The following RNF13 variants were observed in gnomAD, a reference collection of about 807,000 sequenced individuals.
RNF13 encodes E3 ubiquitin-protein ligase RNF13.
Under a neutral mutation model 37.7 loss-of-function variants are expected in RNF13, and 19 were observed. That is an observed-to-expected ratio of 0.50 (90% CI 0.35 to 0.74). The LOEUF is 0.74. RNF13 is among the 30% of genes least tolerant of loss of function. The pLI is 0.01. For missense variants in RNF13, 375 were observed against 453.0 expected (o/e 0.83, Z 1.56); for synonymous variants, 144 against 157.8 (o/e 0.91, Z 0.65).
chr3:149,820,243 C>T (rs1181553612), intron 1 of RNF13, among the ~76,000 whole-genome samples: 8 of 150,820 alleles, frequency 5.3e-5, no homozygotes, highest in African/African-American at 1.2e-4. Flanking sequence ...TTAAAGAGAC[C>T]GTCTTTTTCT....
intron 8 of RNF13, among the ~76,000 whole-genome samples, chr3:149,941,125 A>G (rs758945886): frequency 2.0e-5 from 3 of 152,086 alleles, no homozygotes; most frequent in Non-Finnish European, 4.4e-5. Context: ...TTTCCACTCT[A>G]CCCCTTGTCT....
intron 6 of RNF13, among the ~76,000 whole-genome samples, chr3:149,910,879 A>G (rs888616052): frequency 8.5e-5 from 13 of 152,202 alleles, no homozygotes; most frequent in African/African-American, 2.9e-4. Flanking sequence ...TCCTCATGTA[A>G]CACAAATGAT....
chr3:149,860,109 A>G (rs961781215), intron 3 of RNF13, among the ~76,000 whole-genome samples: 6 of 151,632 alleles, frequency 4.0e-5, no homozygotes, highest in Admixed American at 2.6e-4. Context: ...TCTACTAAAA[A>G]TACAAAATTA....
intron 1 of RNF13, 112 bp from the exon 2 acceptor site, chr3:149,845,899 A>G (rs1195214102): frequency 8.7e-6 from 5 of 577,066 alleles, no homozygotes; most frequent in Non-Finnish European, 1.2e-5. Flanking sequence ...TAATGTTAAT[A>G]CATGTTTATA....
intron 3 of RNF13, among the ~76,000 whole-genome samples, chr3:149,858,439 T>TG (rs1299219436): frequency 6.6e-6 from 1 of 152,196 alleles, no homozygotes; most frequent in Non-Finnish European, 1.5e-5. Flanking sequence ...GGAAGTGCCT[T>TG]GATAGGTGGA....
chr3:149,829,786 G>A (rs1720863984), intron 1 of RNF13, among the ~76,000 whole-genome samples: 1 of 152,214 alleles, frequency 6.6e-6, no homozygotes. Flanking sequence ...TGGTTTGGCT[G>A]TGTTCCCACC....
At chr3:149,862,406 C>T (rs1232409868) in intron 3 of RNF13, among the ~76,000 whole-genome samples, 2 of 151,970 alleles carry the variant, frequency 1.3e-5, no homozygotes, top group South Asian at 2.1e-4. Flanking sequence ...ATTCTGTTCC[C>T]TTACCTCGCT....
intron 1 of RNF13, among the ~76,000 whole-genome samples, chr3:149,815,942 G>T (rs1267101520): frequency 6.6e-6 from 1 of 151,814 alleles, no homozygotes; most frequent in East Asian, 1.9e-4. Flanking sequence ...TTGCTCTGTT[G>T]CCCAGGCTGG....
At chr3:149,827,997 G>A (rs1266157838) in intron 1 of RNF13, among the ~76,000 whole-genome samples, 2 of 150,410 alleles carry the variant, frequency 1.3e-5, no homozygotes, top group Non-Finnish European at 3.0e-5. Flanking sequence ...TGGGAATGCT[G>A]TAACTTGATC....
chr3:149,908,597 C>T (rs529288721), intron 6 of RNF13, among the ~76,000 whole-genome samples: 1 of 152,298 alleles, frequency 6.6e-6, no homozygotes, highest in South Asian at 2.1e-4. Flanking sequence ...TTTAATGAGG[C>T]AGCTGTGAGC....
chr3:149,955,024 C>T (rs1721725015), intron 8 of RNF13, among the ~76,000 whole-genome samples: 1 of 152,274 alleles, frequency 6.6e-6, no homozygotes, highest in African/African-American at 2.4e-5. Context: ...TCTCTGGGAG[C>T]TGTCTCCCTT....
At chr3:149,941,826 C>G (rs1720310349) in intron 8 of RNF13, among the ~76,000 whole-genome samples, 1 of 151,582 alleles carries the variant, frequency 6.6e-6, no homozygotes, top group Admixed American at 6.6e-5. Context: ...TTAGGCCTTA[C>G]ATTTAGGTCT....
intron 8 of RNF13, among the ~76,000 whole-genome samples, chr3:149,954,504 T>C (rs1721671745): frequency 6.6e-6 from 1 of 152,228 alleles, no homozygotes; most frequent in African/African-American, 2.4e-5. Flanking sequence ...TATTTCTGTT[T>C]TGGAAATATT....
At chr3:149,840,234 G>C (rs1457877887) in intron 1 of RNF13, among the ~76,000 whole-genome samples, 1 of 152,170 alleles carries the variant, frequency 6.6e-6, no homozygotes, top group Non-Finnish European at 1.5e-5. Context: ...ATGTCAAATG[G>C]TAGGCCAAAT....
At chr3:149,910,149 G>A (rs1490379370) in intron 6 of RNF13, among the ~76,000 whole-genome samples, 1 of 152,136 alleles carries the variant, frequency 6.6e-6, no homozygotes, top group African/African-American at 2.4e-5. Flanking sequence ...CTTAAAAGTG[G>A]TACCACTGGC....
At chr3:149,844,488 T>A (rs1003471067) in intron 1 of RNF13, among the ~76,000 whole-genome samples, 8 of 152,224 alleles carry the variant, frequency 5.3e-5, no homozygotes, top group African/African-American at 1.9e-4. Flanking sequence ...CTGTCTAGCA[T>A]GCACCAAAAT....
At position 149,961,010 on chromosome 3, in the gene RNF13, G is replaced by A. The variant is rs1254913851; in HGVS notation, c.1052G>A (p.Ser351Asn). The A allele has an allele frequency of 1.2e-6, 2 of 1,614,194 alleles. No homozygotes were observed. Among genetic ancestry groups the A allele is most frequent in the South Asian group, 2.2e-5 (2 of 91,080 alleles). The part of the protein sequence containing the change: ...YEEDDNEDTD[S>N]SDAENEINEH... Reference sequence around the variant, plus strand: ...GAAGACGACAATGAAGATACTGACAGTAGTGATGCAGAAAATGAAATTAAT... The same window carrying A: ...GAAGACGACAATGAAGATACTGACAATAGTGATGCAGAAAATGAAATTAAT... The change falls in exon 10 of 10, where the codon AGT becomes AAT. Residue 351 changes from serine (S) to asparagine (N), a missense_variant. By Grantham distance (46) the Ser-to-Asn change is conservative. Coordinates refer to ENST00000392894, the MANE Select transcript of RNF13 (RefSeq NM_183381.3).
At chr3:149,821,491 T>C (rs538873966) in intron 1 of RNF13, among the ~76,000 whole-genome samples, 2 of 152,340 alleles carry the variant, frequency 1.3e-5, no homozygotes, top group East Asian at 3.9e-4. Flanking sequence ...ATTCAAGTTC[T>C]TTGCCCTTTT....
chr3:149,938,475 A>G (rs1232425686), intron 8 of RNF13, among the ~76,000 whole-genome samples: 2 of 149,996 alleles, frequency 1.3e-5, no homozygotes, highest in Non-Finnish European at 3.0e-5. Context: ...GCCTGGCCAT[A>G]TTGTTATTAT....
Sources: allele counts gnomAD v4.1 joint callset (sites outside exome capture counted in the v4.1 genomes callset), GRCh38; gene constraint gnomAD v4.1.1; transcripts MANE v1.5; gene names NCBI Gene and HGNC (gene_info 2026-07-23, HGNC 2026-07-21).